FAF1: variants seen among roughly 807,000 people sequenced by gnomAD.
FAF1 encodes Fas associated factor 1, also known as FAS-associated factor 1.
Under a neutral mutation model 92.5 loss-of-function variants are expected in FAF1, and 25 were observed. The observed-to-expected ratio is 0.27, with a 90% CI of 0.20 to 0.38. The LOEUF is 0.38. Ranked by LOEUF, FAF1 falls within the 10% of genes least tolerant of loss-of-function variation. The pLI is 1.00. For synonymous variants in FAF1, 234 were observed against 273.2 expected, an observed-to-expected ratio of 0.86 and a Z score of 1.42; for missense variants, 636 against 793.3, an observed-to-expected ratio of 0.80 and a Z score of 2.38.
At chr1:50,631,146 A>ATTT (rs1653769850) in intron 8 of FAF1, among the ~76,000 whole-genome samples, 1 of 151,990 alleles carries the variant, frequency 6.6e-6, no homozygotes, top group African/African-American at 2.4e-5. Flanking sequence ...CTACTGTCTA[A>ATTT]ACGCATTTTT....
At chr1:50,959,676 G>T in intron 1 of FAF1, 91 bp downstream of exon 1, 1 of 1,124,872 alleles carries the variant, frequency 8.9e-7, no homozygotes, top group Non-Finnish European at 1.3e-6. Context: ...ACACACCACT[G>T]CAGCGTTCAA....
chr1:50,744,771 C>G lies in FAF1; in HGVS notation c.372G>C (p.Glu124Asp), dbSNP rs1427151525. Reference sequence around the variant, plus strand: ...GTTCATTTTCTAGAATCTGTTTAATCTCTCCTGTATAAATAAGAAGAGATC... The same window carrying G: ...GTTCATTTTCTAGAATCTGTTTAATGTCTCCTGTATAAATAAGAAGAGATC... ...VVLEDTCTVG[E>D]IKQILENELQ... is the part of the protein sequence containing the mutation. The change falls in exon 5 of 19, where the codon GAG (glutamate) becomes GAC (aspartate). Residue 124 changes from glutamate (E) to aspartate (D), a missense_variant. Transcript: ENST00000396153. 2 of 1,579,714 alleles carry G rather than the reference C, an allele frequency of 1.3e-6. No individual in the cohort carries two copies. The highest frequency in any genetic ancestry group is 2.7e-5 in the African/African-American group (2 of 73,824).
chr1:50,619,839 TC>T (rs1653106553), intron 8 of FAF1, among the ~76,000 whole-genome samples: 2 of 152,144 alleles, frequency 1.3e-5, no homozygotes, highest in African/African-American at 4.8e-5. Context: ...AAATATATTT[TC>T]CAAGTTGCTT....
intron 14 of FAF1, among the ~76,000 whole-genome samples, chr1:50,538,040 T>C (rs1312156192): frequency 6.6e-6 from 1 of 152,042 alleles, no homozygotes; most frequent in Non-Finnish European, 1.5e-5. Flanking sequence ...ACATTGGTCA[T>C]TTGTAAAATA....
chr1:50,826,963 G>A (rs988347582), intron 2 of FAF1, among the ~76,000 whole-genome samples: 4 of 151,460 alleles, frequency 2.6e-5, no homozygotes, highest in Non-Finnish European at 4.4e-5. Context: ...TCTGGGAGGT[G>A]AGGAGTGCCT....
intron 15 of FAF1, among the ~76,000 whole-genome samples, chr1:50,499,190 A>C (rs569667618): frequency 6.6e-6 from 1 of 152,228 alleles, no homozygotes; most frequent in Non-Finnish European, 1.5e-5. Context: ...AGTAGATTAG[A>C]GGTTGCCAGA....
chr1:50,593,157 T>G (rs1651609153), intron 9 of FAF1, among the ~76,000 whole-genome samples: 1 of 152,150 alleles, frequency 6.6e-6, no homozygotes, highest in Non-Finnish European at 1.5e-5. Flanking sequence ...TCAGTAATAA[T>G]AAGATATTAC....
intron 18 of FAF1, among the ~76,000 whole-genome samples, chr1:50,445,173 G>A (rs1646214020): frequency 6.6e-6 from 1 of 152,088 alleles, no homozygotes; most frequent in South Asian, 2.1e-4. Context: ...AGACTTTGGT[G>A]CACCCGTCAC....
intron 1 of FAF1, among the ~76,000 whole-genome samples, chr1:50,861,309 C>T (rs1204002423): frequency 1.3e-5 from 2 of 151,762 alleles, no homozygotes; most frequent in African/African-American, 4.8e-5. Context: ...ATCCTAAAAT[C>T]CACTATGATG....
rs1572770613 is a variant in FAF1, at chr1:50,477,689, C to T, written c.1654-2010G>A. ...CAAAATTAAATGCTAGTTGATATGT[C>T]AATTACAGCATTCACTATTTAGTAC... On this transcript the variant is annotated intron_variant, in intron 17 of 18. Coordinates refer to ENST00000396153, the MANE Select transcript of FAF1 (RefSeq NM_007051.3). Among the ~76,000 whole-genome samples the T allele has an allele frequency of 3.3e-5, 5 of 152,078 alleles. No homozygotes were observed. In the East Asian group the frequency reaches 9.6e-4, roughly 29 times the overall value.
chr1:50,655,756 C>T (rs1655077448), intron 7 of FAF1, among the ~76,000 whole-genome samples: 2 of 152,134 alleles, frequency 1.3e-5, no homozygotes, highest in Non-Finnish European at 2.9e-5. Context: ...GAAATATCCT[C>T]CCTCTCTTGT....
intron 3 of FAF1, among the ~76,000 whole-genome samples, chr1:50,790,775 A>G (rs968147344): frequency 3.9e-5 from 6 of 151,972 alleles, no homozygotes; most frequent in Non-Finnish European, 5.9e-5. Flanking sequence ...ACAATTAAGC[A>G]GAAAAATATT....
At chr1:50,443,144 C>T (rs1646189285) in intron 18 of FAF1, among the ~76,000 whole-genome samples, 1 of 152,226 alleles carries the variant, frequency 6.6e-6, no homozygotes, top group Non-Finnish European at 1.5e-5. Context: ...CATGCCAGAG[C>T]TCTTCCAGCA....
At chr1:50,802,874 G>A (rs1203188709) in intron 2 of FAF1, among the ~76,000 whole-genome samples, 1 of 152,188 alleles carries the variant, frequency 6.6e-6, no homozygotes, top group Non-Finnish European at 1.5e-5. Flanking sequence ...AGGAGTTTGG[G>A]TATTTTGTGA....
At chr1:50,735,124 T>C (rs1430095524) in intron 6 of FAF1, among the ~76,000 whole-genome samples, 1 of 152,244 alleles carries the variant, frequency 6.6e-6, no homozygotes, top group Non-Finnish European at 1.5e-5. Flanking sequence ...GGTTACAGGC[T>C]ACCTGAGGAC....
chr1:50,567,162 G>C lies in FAF1; in HGVS notation c.1183C>G (p.Leu395Val). ...TAAGAAACAATGGATTCAGCACAAA[G>C]CATTTGTGAGCAGAACACGTTGGTT... ...VLTNVFCSQM[L>V]CAESIVSYLS... Residue 395 changes from leucine (L) to valine (V), a missense_variant, in exon 13 of 19, where the codon CTT becomes GTT. Around this residue, in one of 2 missense-constraint regions of FAF1, gnomAD observed 319 missense variants for 451.0 expected, o/e 0.71. Coordinates refer to ENST00000396153, the MANE Select transcript of FAF1 (RefSeq NM_007051.3). The C allele has an allele frequency of 3.1e-6, 5 of 1,609,978 alleles. No individual in the cohort carries two copies. Among genetic ancestry groups the C allele is most frequent in the Non-Finnish European group, 4.2e-6 (5 of 1,176,990 alleles).
At chr1:50,582,546 A>G in intron 12 of FAF1, 72 bp downstream of exon 12, 1 of 918,498 alleles carries the variant, frequency 1.1e-6, no homozygotes, top group Non-Finnish European at 1.8e-6. Flanking sequence ...AAAACATTTA[A>G]GCATTGCCTC....
chr1:50,708,913 A>G (rs1657801940), intron 6 of FAF1, among the ~76,000 whole-genome samples: 1 of 152,232 alleles, frequency 6.6e-6, no homozygotes, highest in African/African-American at 2.4e-5. Context: ...AGCAGCCAAA[A>G]GCTCAATGTG....
chr1:50,924,229 C>A, intron 1 of FAF1, among the ~76,000 whole-genome samples: 1 of 149,792 alleles, frequency 6.7e-6, no homozygotes, highest in Admixed American at 6.6e-5. Context: ...AGTTGCAAGA[C>A]ACAAAATAAA....
Sources: gnomAD v4.1 joint callset for allele counts (sites outside exome capture counted in the v4.1 genomes callset) on GRCh38, gnomAD v4.1.1 for gene constraint, gnomAD v4.1.1 regional missense constraint, MANE v1.5 for transcripts, NCBI Gene and HGNC (gene_info 2026-07-23, HGNC 2026-07-21) for gene names.